The following FGF14 variants were observed in gnomAD, a reference collection of about 807,000 sequenced individuals.
The protein encoded by FGF14 is fibroblast growth factor 14.
In FGF14, 5 loss-of-function variants were observed where a neutral mutation model predicts 25.5. The observed-to-expected ratio is 0.20, with a 90% CI of 0.10 to 0.41. FGF14 has a LOEUF of 0.41. FGF14 is among the 10% of genes least tolerant of loss of function. FGF14 has a pLI of 1.00. For missense variants in FGF14, 222 were observed against 320.1 expected (o/e 0.69, Z 2.34); for synonymous variants, 138 against 118.3 (o/e 1.17, Z -1.08).
chr13:102,294,159 C>T (rs1019558459), intron 1 of FGF14: 3 of 152,188 alleles, frequency 2.0e-5, no homozygotes, highest in Non-Finnish European at 4.4e-5. Flanking sequence ...TAGTCAAAAT[C>T]TTATGGCATA....
intron 1 of FGF14, among the ~76,000 whole-genome samples, chr13:102,340,899 C>T (rs907837426): frequency 2.0e-5 from 3 of 152,216 alleles, no homozygotes; most frequent in African/African-American, 7.2e-5. Context: ...ATTTGCTAAT[C>T]AGCTACTATC....
At chr13:102,104,750 C>T (rs2044823686) in intron 1 of FGF14, among the ~76,000 whole-genome samples, 1 of 152,128 alleles carries the variant, frequency 6.6e-6, no homozygotes, top group South Asian at 2.1e-4. Context: ...CTTGCCACTG[C>T]ACTCCAGCCT....
At chr13:102,362,858 A>G (rs1190559474) in intron 1 of FGF14, among the ~76,000 whole-genome samples, 1 of 152,202 alleles carries the variant, frequency 6.6e-6, no homozygotes, top group East Asian at 1.9e-4. Flanking sequence ...AATTTTCAAA[A>G]TCAGATTAAA....
intron 1 of FGF14, among the ~76,000 whole-genome samples, chr13:102,201,637 G>C (rs2049655700): frequency 6.6e-6 from 1 of 152,170 alleles, no homozygotes; most frequent in Non-Finnish European, 1.5e-5. Context: ...TCCAGAAACT[G>C]AATGATGAGC....
intron 1 of FGF14, among the ~76,000 whole-genome samples, chr13:101,938,849 C>A (rs1211268884): frequency 1.3e-5 from 2 of 152,170 alleles, no homozygotes; most frequent in Non-Finnish European, 2.9e-5. Context: ...CAGAATTATC[C>A]TTTTTAGAAA....
intron 1 of FGF14, among the ~76,000 whole-genome samples, chr13:102,161,655 G>GTACCCC (rs1566765303): frequency 0.064 from 1,235 of 19,280 alleles, 119 homozygotes; most frequent in East Asian, 0.16. Flanking sequence ...AGAAGAAGAA[G>GTACCCC]AAGAAGAAGA....
At chr13:101,765,181 T>A (rs1160834670) in intron 3 of FGF14, among the ~76,000 whole-genome samples, 2 of 152,192 alleles carry the variant, frequency 1.3e-5, no homozygotes, top group East Asian at 3.8e-4. Flanking sequence ...ATATATTCCT[T>A]CTCTTAATTC....
intron 1 of FGF14, chr13:102,293,694 C>T (rs879695508): frequency 1.8e-4 from 28 of 152,230 alleles, no homozygotes; most frequent in Admixed American, 5.9e-4. Flanking sequence ...AACAATAAAC[C>T]TCATGTTTTA....
chr13:102,182,633 C>T (rs1202723408), intron 1 of FGF14, among the ~76,000 whole-genome samples: 1 of 152,016 alleles, frequency 6.6e-6, no homozygotes, highest in East Asian at 1.9e-4. Context: ...CATCTTGGCC[C>T]ATAAAGTCTA....
At chr13:101,917,204 C>G (rs974509408), upstream of FGF14, among the ~76,000 whole-genome samples, 1 of 151,928 alleles carries the variant, frequency 6.6e-6, no homozygotes, top group African/African-American at 2.4e-5. Context: ...CGGCTTCTGC[C>G]GGTGATTGTC....
intron 1 of FGF14, among the ~76,000 whole-genome samples, chr13:102,287,539 G>C (rs1361642854): frequency 6.6e-6 from 1 of 152,032 alleles, no homozygotes; most frequent in Non-Finnish European, 1.5e-5. Flanking sequence ...TTAAATTTCA[G>C]ACCAGAATAG....
chr13:102,163,663 G>A (rs2047876740), intron 1 of FGF14, among the ~76,000 whole-genome samples: 1 of 152,132 alleles, frequency 6.6e-6, no homozygotes, highest in Non-Finnish European at 1.5e-5. Context: ...CTGGCTGGCT[G>A]CAAAGGCAAT....
chr13:102,308,413 T>C (rs759868034), intron 1 of FGF14, among the ~76,000 whole-genome samples: 2 of 152,158 alleles, frequency 1.3e-5, no homozygotes, highest in Non-Finnish European at 2.9e-5. Context: ...TCTCCAGGGG[T>C]ACTGATTTAT....
intron 1 of FGF14, among the ~76,000 whole-genome samples, chr13:102,376,234 G>A (rs1311195850): frequency 1.3e-5 from 2 of 151,902 alleles, no homozygotes; most frequent in African/African-American, 2.4e-5. Context: ...GAGATCTGAC[G>A]GTTTATACAT....
intron 1 of FGF14, among the ~76,000 whole-genome samples, chr13:102,349,033 C>T (rs1236405076): frequency 6.6e-6 from 1 of 152,112 alleles, no homozygotes; most frequent in Non-Finnish European, 1.5e-5. Context: ...AAGTGGGAGA[C>T]CTTTTTGGTT....
chr13:102,009,927 A>T (rs770316148), intron 1 of FGF14, among the ~76,000 whole-genome samples: 51 of 152,362 alleles, frequency 3.3e-4, no homozygotes, highest in Non-Finnish European at 5.7e-4. Context: ...ATATTTTCCA[A>T]TTCTTCATAG....
chr13:101,769,464 A>C, intron 3 of FGF14, among the ~76,000 whole-genome samples: 1 of 152,138 alleles, frequency 6.6e-6, no homozygotes, highest in East Asian at 1.9e-4. Flanking sequence ...TATGTACCCT[A>C]AAATGCTAAA....
intron 1 of FGF14, among the ~76,000 whole-genome samples, chr13:102,122,507 C>T (rs932357525): frequency 6.6e-6 from 1 of 152,096 alleles, no homozygotes; most frequent in African/African-American, 2.4e-5. Context: ...GAGCGCTCTC[C>T]CCAAAATAAC....
intron 1 of FGF14, among the ~76,000 whole-genome samples, chr13:102,058,231 A>G (rs1021517237): frequency 2.5e-4 from 38 of 152,230 alleles, no homozygotes; most frequent in African/African-American, 8.7e-4. Context: ...TCAAATACCG[A>G]AAAAAGGATT....
Sources: allele counts gnomAD v4.1 joint callset (sites outside exome capture counted in the v4.1 genomes callset), GRCh38; gene constraint gnomAD v4.1.1; transcripts MANE v1.5; gene names NCBI Gene and HGNC (gene_info 2026-07-23, HGNC 2026-07-21).